Variants in STAT5B observed in about 807,000 individuals in gnomAD.
STAT5B encodes signal transducer and activator of transcription 5B, also known as transcription factor STAT5B.
In STAT5B, 21 loss-of-function variants were observed where a neutral mutation model predicts 107.8. The observed-to-expected ratio is 0.19, with a 90% confidence interval of 0.14 to 0.28. The LOEUF (loss-of-function observed/expected upper bound fraction) is 0.28, where lower values mean the gene tolerates loss of function less well. STAT5B is among the 10% of genes least tolerant of loss of function. The pLI, the probability that STAT5B is intolerant of heterozygous loss-of-function variation, is 1.00. For synonymous variants in STAT5B, 325 were observed against 401.7 expected (o/e 0.81, Z 2.28); for missense variants, 565 against 1,008.2 (o/e 0.56, Z 5.95).
At chr17:42,204,381 T>C (rs1405891893) in intron 16 of STAT5B, among the ~76,000 whole-genome samples, 1 of 152,150 alleles carries the variant, frequency 6.6e-6, no homozygotes, top group Admixed American at 6.6e-5. Context: ...ACAAAGTTAA[T>C]TATACTAGGC....
At chr17:42,282,177 G>A in the STAT5B span, among the ~76,000 whole-genome samples, 117 of 152,298 alleles carry the variant, frequency 7.7e-4, 1 homozygote, top group Middle Eastern at 0.014. Flanking sequence ...ACTCTATTGT[G>A]GACAAGCAGT....
At chr17:42,273,811 AT>A (rs1400066873) in intron 1 of STAT5B, among the ~76,000 whole-genome samples, 4 of 152,230 alleles carry the variant, frequency 2.6e-5, no homozygotes. Context: ...CCTAACAAAA[AT>A]TACAGACAAT....
intron 1 of STAT5B, among the ~76,000 whole-genome samples, chr17:42,255,962 C>T (rs1030489179): frequency 4.6e-5 from 7 of 152,072 alleles, no homozygotes; most frequent in Admixed American, 3.9e-4. Context: ...GTGGCGTGCA[C>T]CTGTAATCCC....
intron 16 of STAT5B, 119 bp downstream of exon 16, chr17:42,207,439 T>A: frequency 7.6e-7 from 1 of 1,320,124 alleles, no homozygotes; most frequent in Non-Finnish European, 1.1e-6. Context: ...TCTCACTGAA[T>A]GGTAATTGTG....
intron 1 of STAT5B, among the ~76,000 whole-genome samples, chr17:42,262,584 A>T (rs772689289): frequency 1.6e-4 from 25 of 151,904 alleles, no homozygotes; most frequent in Non-Finnish European, 2.1e-4. Flanking sequence ...AATTATAAGA[A>T]AAAGAAATCC....
intron 1 of STAT5B, among the ~76,000 whole-genome samples, chr17:42,238,378 C>T (rs2144316802): frequency 6.7e-6 from 1 of 148,814 alleles, no homozygotes; most frequent in East Asian, 2.0e-4. Context: ...TCAAACTCCT[C>T]ACCTCAAGTG....
intron 1 of STAT5B, among the ~76,000 whole-genome samples, chr17:42,253,861 T>C (rs1261461679): frequency 6.6e-6 from 1 of 152,156 alleles, no homozygotes; most frequent in Non-Finnish European, 1.5e-5. Context: ...TAATTTCTCA[T>C]TGTCAATACT....
chr17:42,264,258 C>A (rs1433198956), intron 1 of STAT5B, among the ~76,000 whole-genome samples: 1 of 151,286 alleles, frequency 6.6e-6, no homozygotes, highest in Non-Finnish European at 1.5e-5. Flanking sequence ...GCACATTGTG[C>A]AGGTTAGTTA....
chr17:42,272,684 G>GAC (rs1168722079), intron 1 of STAT5B: 2 of 152,024 alleles, frequency 1.3e-5, no homozygotes, highest in African/African-American at 2.4e-5. Flanking sequence ...ATAAAAATGT[G>GAC]ACACTACAAG....
At position 42,200,702 on chromosome 17, in the gene STAT5B, A is replaced by C. The variant is rs888431505; in HGVS notation, c.*1036T>G. 5 of 168,336 alleles carry C rather than the reference A, an allele frequency of 3.0e-5. No individual in the cohort carries two copies. The highest frequency in any genetic ancestry group is 1.3e-4 in the Admixed American group (2 of 15,710). The allele number at this position is 168,336 out of a possible 1,614,324, so 10.4% of individuals were successfully genotyped here. ...ATGCACAAGAGAGAATTTTGATGTC[A>C]AATTAGGGTGGCAAGGAGAAAACAA... On this transcript the variant is annotated 3_prime_UTR_variant, in exon 19 of 19. Coordinates refer to ENST00000293328, the MANE Select transcript of STAT5B (RefSeq NM_012448.4).
chr17:42,207,054 G>C (rs1325506465), intron 16 of STAT5B, among the ~76,000 whole-genome samples: 1 of 151,676 alleles, frequency 6.6e-6, no homozygotes, highest in Non-Finnish European at 1.5e-5. Context: ...TGTATTTTTT[G>C]TAGAGATAGG....
At chr17:42,265,743 G>A (rs1310616704) in intron 1 of STAT5B, among the ~76,000 whole-genome samples, 1 of 152,158 alleles carries the variant, frequency 6.6e-6, no homozygotes, top group African/African-American at 2.4e-5. Context: ...GTATGAAAGT[G>A]CCAGTTTCCC....
At chr17:42,221,085 T>TG (rs2144257034) in intron 5 of STAT5B, among the ~76,000 whole-genome samples, 1 of 152,290 alleles carries the variant, frequency 6.6e-6, no homozygotes, top group Admixed American at 6.5e-5. Flanking sequence ...ACCCCAGCCC[T>TG]GACCCATGGG....
intron 1 of STAT5B, among the ~76,000 whole-genome samples, chr17:42,267,388 C>T (rs914356022): frequency 2.6e-5 from 4 of 152,118 alleles, no homozygotes; most frequent in African/African-American, 9.7e-5. Flanking sequence ...CCCTGAAGAC[C>T]TTTCAGTGGA....
At chr17:42,239,990 C>T (rs538595972) in intron 1 of STAT5B, among the ~76,000 whole-genome samples, 12 of 152,218 alleles carry the variant, frequency 7.9e-5, no homozygotes, top group Admixed American at 1.3e-4. Flanking sequence ...AAAAATGAGC[C>T]GGGCACGGTG....
chr17:42,272,298 G>C (rs1018952302), intron 1 of STAT5B: 2 of 152,136 alleles, frequency 1.3e-5, no homozygotes, highest in African/African-American at 2.4e-5. Context: ...AGCGAGTCCA[G>C]AAAAACGGCT....
chr17:42,206,246 C>T (rs1453927771), intron 16 of STAT5B, among the ~76,000 whole-genome samples: 1 of 152,114 alleles, frequency 6.6e-6, no homozygotes, highest in Non-Finnish European at 1.5e-5. Context: ...CCCACCACCA[C>T]ACCTGACTAC....
At chr17:42,212,964 A>G (rs2080141658) in intron 12 of STAT5B, among the ~76,000 whole-genome samples, 1 of 152,172 alleles carries the variant, frequency 6.6e-6, no homozygotes. Context: ...CAGCAATGAC[A>G]TATACCTTTT....
chr17:42,213,973 C>A (rs1213807055), intron 12 of STAT5B, among the ~76,000 whole-genome samples: 1 of 151,058 alleles, frequency 6.6e-6, no homozygotes, highest in Non-Finnish European at 1.5e-5. Context: ...GAGACCTGGT[C>A]TCTACTAAAA....
Sources: allele counts gnomAD v4.1 joint callset (sites outside exome capture counted in the v4.1 genomes callset), GRCh38; gene constraint gnomAD v4.1.1; transcripts MANE v1.5; gene names NCBI Gene and HGNC (gene_info 2026-07-23, HGNC 2026-07-21).